NIBAN3: variants seen among roughly 807,000 people sequenced by gnomAD.
The protein encoded by NIBAN3 is protein Niban 3.
In NIBAN3, 66 loss-of-function variants were observed where a neutral mutation model predicts 76.4. The observed-to-expected ratio is 0.86, with a 90% CI of 0.71 to 1.06. NIBAN3 has a LOEUF of 1.06. Ranked by LOEUF, NIBAN3 falls within the 50% of genes least tolerant of loss-of-function variation. The probability of loss-of-function intolerance (pLI) is 0.00; values close to 1 mark genes in which losing one functional copy is unlikely to be tolerated. For synonymous variants in NIBAN3, 360 were observed against 355.2 expected, an observed-to-expected ratio of 1.01 and a Z score of -0.15; for missense variants, 808 against 810.7, an observed-to-expected ratio of 1.00 and a Z score of 0.04.
At position 17,543,617 on chromosome 19, in the gene NIBAN3, C is replaced by A; in HGVS notation, c.1540C>A (p.Pro514Thr). The A allele has an allele frequency of 6.2e-7, 1 of 1,612,418 alleles. No individual in the cohort carries two copies. The highest frequency in any genetic ancestry group is 8.5e-7 in the Non-Finnish European group (1 of 1,179,200). Residue 514 changes from proline (P) to threonine (T), a missense_variant, in exon 12 of 15, where the codon CCA becomes ACA. By Grantham distance (38) the Pro-to-Thr change is conservative (BLOSUM62 -1). Coordinates refer to ENST00000599164, the MANE Select transcript of NIBAN3 (RefSeq NM_001321827.2). The part of the protein sequence containing the change: ...FLPFVLSQLE[P>T]GCKKELPEFE... ...ACCTTTTGTGCTGAGCCAACTCGAGCCAGGCTGCAAAAAGGTGAGTTAATG... is the reference window on the plus strand; with the variant it reads ...ACCTTTTGTGCTGAGCCAACTCGAGACAGGCTGCAAAAAGGTGAGTTAATG...
chr19:17,528,672 A>C (rs185477993), intron 1 of NIBAN3, among the ~76,000 whole-genome samples: 1 of 152,182 alleles, frequency 6.6e-6, no homozygotes, highest in Admixed American at 6.5e-5. Context: ...CGCTGGGGAC[A>C]TTGTGGGGTT....
chr19:17,523,498 T>C, upstream of NIBAN3: 1 of 1,542,552 alleles, frequency 6.5e-7, no homozygotes, highest in East Asian at 2.4e-5. Context: ...GAAGCTCAGC[T>C]GTGGGGCTGG....
Position 17,532,503 on chromosome 19 carries a change from G to A in NIBAN3, c.312+115G>A, listed in dbSNP as rs568827983. 1,149 of 1,510,970 alleles carry A rather than the reference G, an allele frequency of 7.6e-4. 21 individuals are homozygous for A. In the South Asian group the frequency reaches 0.012, roughly 16 times the overall value. 93.6% of individuals were successfully genotyped at this position (1,510,970 alleles called of 1,614,324 possible). A position where few individuals can be genotyped will look rare whatever the true frequency, so the allele number is the denominator to read the frequency against. The stretch of plus-strand genomic sequence containing the variant: ...TAGCCCCACCTCTATCAATCACCCA[G>A]GATGAATCTTGTGCCCCTATGTGTT... On this transcript the variant is annotated intron_variant, in intron 3 of 14. Transcript: ENST00000599164.
In NIBAN3 at chr19:17,542,403, G is replaced by C; in HGVS notation, c.1329+109G>C. 4.9e-6 allele frequency: 6 copies of C among 1,223,924 alleles called. No homozygotes were observed. Among genetic ancestry groups the C allele is most frequent in the Non-Finnish European group, 6.8e-6 (6 of 886,430 alleles). 75.8% of individuals were successfully genotyped at this position (1,223,924 alleles called of 1,614,324 possible). A position where few individuals can be genotyped will look rare whatever the true frequency, so the allele number is the denominator to read the frequency against. ...CACGATGATCGAGACAACTCCGCGG[G>C]GCTGCCAGTCTCATGGGGACATGAG... On this transcript the variant is annotated intron_variant, in intron 10 of 14. Coordinates refer to ENST00000599164, the MANE Select transcript of NIBAN3 (RefSeq NM_001321827.2). This position sits in a 1 kb window ranked among gnomAD's most constrained non-coding sequence, Gnocchi z 4.8.
chr19:17,533,231 G>C (rs901021907), intron 3 of NIBAN3, among the ~76,000 whole-genome samples: 1 of 152,048 alleles, frequency 6.6e-6, no homozygotes, highest in Admixed American at 6.6e-5. Context: ...GCAACATGGC[G>C]AAACCCCGTC....
At chr19:17,543,231 T>G in intron 10 of NIBAN3, 86 bp from the exon 11 acceptor site, 3 of 838,290 alleles carry the variant, frequency 3.6e-6, no homozygotes, top group Non-Finnish European at 5.7e-6. Flanking sequence ...ACAGGTTGGA[T>G]GCTGAGAAGG....
chr19:17,537,590 G>A, intron 5 of NIBAN3, 47 bp downstream of exon 5: 2 of 1,505,060 alleles, frequency 1.3e-6, no homozygotes. Context: ...ATGGTCTGGG[G>A]TCAGATGGCT....
intron 12 of NIBAN3, chr19:17,545,109 G>A (rs1469467559): frequency 1.3e-5 from 2 of 152,446 alleles, no homozygotes; most frequent in South Asian, 4.1e-4. Flanking sequence ...GCTGCAGCGA[G>A]CCATGACTGC....
At chr19:17,553,871 C>CTTT (rs368209352), downstream of NIBAN3, 342 of 141,124 alleles carry the variant, frequency 2.4e-3, 5 homozygotes, top group Middle Eastern at 0.011. Context: ...TTGTTTTTAC[C>CTTT]TTTTTTTTTT....
chr19:17,534,767 G>A (rs1229871733), intron 4 of NIBAN3, among the ~76,000 whole-genome samples: 1 of 149,626 alleles, frequency 6.7e-6, no homozygotes, highest in African/African-American at 2.5e-5. Context: ...CTCCAGCCAG[G>A]GTGACAGAGC....
intron 12 of NIBAN3, among the ~76,000 whole-genome samples, chr19:17,544,520 G>A (rs1419641814): frequency 1.3e-5 from 2 of 152,212 alleles, no homozygotes; most frequent in Non-Finnish European, 2.9e-5. Flanking sequence ...AGTTACCAGG[G>A]AGTCAGGAAG....
At chr19:17,553,966 G>T (rs1034573686), downstream of NIBAN3, 8 of 160,430 alleles carry the variant, frequency 5.0e-5, no homozygotes, top group East Asian at 1.5e-3. Context: ...CACCTCCTGG[G>T]TTCAAGTGAT....
chr19:17,532,175 C>T, intron 2 of NIBAN3, 88 bp from the exon 3 acceptor site: 1 of 1,489,296 alleles, frequency 6.7e-7, no homozygotes, highest in Non-Finnish European at 9.0e-7. Flanking sequence ...CTTAGCGTCA[C>T]CCCAGGATAC....
chr19:17,550,866 T>TTTTC (rs1307878653), intron 14 of NIBAN3, among the ~76,000 whole-genome samples: 1 of 138,932 alleles, frequency 7.2e-6, no homozygotes, highest in African/African-American at 2.8e-5. Flanking sequence ...TTTTTTTTTT[T>TTTTC]CAAATGCAGG....
intron 7 of NIBAN3, 54 bp downstream of exon 7, chr19:17,539,505 C>A: frequency 6.9e-7 from 1 of 1,457,050 alleles, no homozygotes; most frequent in Non-Finnish European, 9.1e-7. Context: ...CGTTCGGGTT[C>A]CCCTCCCACG....
In NIBAN3 at chr19:17,540,503, G is replaced by A; in HGVS notation, c.1091G>A (p.Arg364Gln). ...RTVEASLEAV[R>Q]TLLAQGMDRL... ...GTGGAAGCCTCGCTCGAGGCGGTGC[G>A]GACCCTCCTGGCTCAAGGCATGGAC... The change falls in exon 9 of 15, where the codon CGG becomes CAG. Residue 364 changes from arginine to glutamine, a missense_variant. Arg to Gln is a conservative substitution (Grantham distance 43). Transcript: ENST00000599164. 11 of 1,598,646 alleles carry A rather than the reference G, an allele frequency of 6.9e-6. No individual in the cohort carries two copies. The highest frequency in any genetic ancestry group is 9.4e-6 in the Non-Finnish European group (11 of 1,172,986).
At chr19:17,531,488 T>C (rs2075724124) in intron 2 of NIBAN3, among the ~76,000 whole-genome samples, 1 of 152,160 alleles carries the variant, frequency 6.6e-6, no homozygotes, top group African/African-American at 2.4e-5. Flanking sequence ...CACAACCTGA[T>C]GGGAGGTAGA....
upstream of NIBAN3, chr19:17,523,363 C>T (rs1389963708): frequency 7.1e-6 from 10 of 1,414,680 alleles, no homozygotes; most frequent in South Asian, 1.3e-5. Flanking sequence ...AGAGTGGAGC[C>T]GAAACCACAG....
In NIBAN3 at chr19:17,527,398, G is replaced by A. The variant is rs1174229811; in HGVS notation, c.55+3G>A. On this transcript the variant is annotated splice_donor_region_variant and intron_variant, in intron 1 of 14. Coordinates refer to ENST00000599164, the MANE Select transcript of NIBAN3 (RefSeq NM_001321827.2). ...GCAGCAGCGGCAGCACCTAAGGGGT[G>A]AGCAGCCGGGGAGGGGACAGGGTGG... 2.6e-6 allele frequency: 4 copies of A among 1,513,780 alleles called. No individual in the cohort carries two copies. The highest frequency in any genetic ancestry group is 3.5e-6 in the Non-Finnish European group (4 of 1,127,136). The allele number at this position is 1,513,780 out of a possible 1,614,324, so 93.8% of individuals were successfully genotyped here. A position where few individuals can be genotyped will look rare whatever the true frequency, so the allele number is the denominator to read the frequency against.
Sources: allele counts gnomAD v4.1 joint callset (sites outside exome capture counted in the v4.1 genomes callset), GRCh38; gene constraint gnomAD v4.1.1; non-coding constraint Gnocchi (gnomAD v3.1); transcripts MANE v1.5; gene names NCBI Gene and HGNC (gene_info 2026-07-23, HGNC 2026-07-21).